GPBP1L1: variants seen among roughly 807,000 people sequenced by gnomAD.
The protein encoded by GPBP1L1 is vasculin-like protein 1.
Under a neutral mutation model 52.5 loss-of-function variants are expected in GPBP1L1, and 23 were observed. That is an observed-to-expected ratio of 0.44 (90% CI 0.32 to 0.62). The LOEUF is 0.62. Ranked by LOEUF, GPBP1L1 falls within the 20% of genes least tolerant of loss-of-function variation. GPBP1L1 has a pLI of 0.06. For synonymous variants in GPBP1L1, 243 were observed against 203.1 expected, an observed-to-expected ratio of 1.20 and a Z score of -1.67; for missense variants, 596 against 579.3, an observed-to-expected ratio of 1.03 and a Z score of -0.30.
chr1:45,636,139 C>T (rs1644591237), intron 8 of GPBP1L1, among the ~76,000 whole-genome samples: 1 of 152,170 alleles, frequency 6.6e-6, no homozygotes, highest in Non-Finnish European at 1.5e-5. Context: ...ATTACAAAGG[C>T]CAGCTCTAAA....
At chr1:45,653,957 C>T (rs534463231) in intron 6 of GPBP1L1, among the ~76,000 whole-genome samples, 2 of 151,764 alleles carry the variant, frequency 1.3e-5, no homozygotes, top group Non-Finnish European at 2.9e-5. Flanking sequence ...CCTCGGCTTC[C>T]CAAAGTGCTC....
chr1:45,654,416 C>G, intron 6 of GPBP1L1, 127 bp downstream of exon 6: 1 of 970,432 alleles, frequency 1.0e-6, no homozygotes, highest in Non-Finnish European at 1.5e-6. Context: ...TCCTCTAAAA[C>G]AATAAAAACC....
rs978038400 is a variant in GPBP1L1, at chr1:45,661,024, A to T, written c.-896T>A. 1.6e-4 allele frequency: 24 copies of T among 152,212 alleles called. No individual in the cohort carries two copies. The highest frequency in any genetic ancestry group is 5.8e-4 in the African/African-American group (24 of 41,458). The allele number at this position is 152,212 out of a possible 1,614,324, so 9.4% of individuals were successfully genotyped here. A position where few individuals can be genotyped will look rare whatever the true frequency, so the allele number is the denominator to read the frequency against. ...TAGGATGGATATTAAGAAATAGTCAAGGAGAAATATAGGTCCAAAATGAGG... is the reference window on the plus strand; with the variant it reads ...TAGGATGGATATTAAGAAATAGTCATGGAGAAATATAGGTCCAAAATGAGG... On this transcript the variant is annotated 5_prime_UTR_variant, in exon 3 of 13. In the 5' UTR this introduces an upstream ATG that the reference lacks. Coordinates refer to ENST00000355105, the MANE Select transcript of GPBP1L1 (RefSeq NM_021639.5).
rs148579148 is a variant in GPBP1L1, at chr1:45,676,435, T to C, written c.-1098+9141A>G. On this transcript the variant is annotated intron_variant, in intron 2 of 12. Transcript: ENST00000355105. Reference sequence around the variant, plus strand: ...GGGAAACAGGGCAAGACCCCATCTCTACAAAAAAACACAAAAAAATTAGCC... The same window carrying C: ...GGGAAACAGGGCAAGACCCCATCTCCACAAAAAAACACAAAAAAATTAGCC... Among the ~76,000 whole-genome samples, 275 of 151,692 alleles carry C rather than the reference T, an allele frequency of 1.8e-3. 3 individuals carry two copies. The highest frequency in any genetic ancestry group is 6.3e-3 in the African/African-American group (260 of 41,352).
chr1:45,645,363 T>G (rs1644730489), intron 6 of GPBP1L1, among the ~76,000 whole-genome samples: 1 of 152,200 alleles, frequency 6.6e-6, no homozygotes, highest in Non-Finnish European at 1.5e-5. Flanking sequence ...CCCTTGTGGA[T>G]TTTACGGAAC....
chr1:45,641,121 T>G (rs902230576), intron 7 of GPBP1L1, among the ~76,000 whole-genome samples: 7 of 151,158 alleles, frequency 4.6e-5, no homozygotes, highest in Non-Finnish European at 7.4e-5. Context: ...CATGAAACCC[T>G]CTGATGAGGC....
At chr1:45,680,630 T>C (rs1006834444) in intron 2 of GPBP1L1, among the ~76,000 whole-genome samples, 4 of 152,156 alleles carry the variant, frequency 2.6e-5, no homozygotes, top group Non-Finnish European at 4.4e-5. Flanking sequence ...CAAATATTAA[T>C]TTTTAAGTTA....
At chr1:45,628,514 G>T in intron 12 of GPBP1L1, 106 bp from the exon 13 acceptor site, 2 of 1,022,768 alleles carry the variant, frequency 2.0e-6, no homozygotes, top group Non-Finnish European at 2.8e-6. Flanking sequence ...TAGGTAGAAT[G>T]TGGGGCGGGG....
intron 8 of GPBP1L1, chr1:45,634,960 C>T (rs1425266645): frequency 6.6e-6 from 1 of 152,154 alleles, no homozygotes; most frequent in African/African-American, 2.4e-5. Context: ...CTTATTTTTC[C>T]AGAATGAAAC....
intron 4 of GPBP1L1, chr1:45,656,266 C>T (rs1248399987): frequency 6.6e-6 from 1 of 152,116 alleles, no homozygotes; most frequent in African/African-American, 2.4e-5. Flanking sequence ...ACTCTAATAT[C>T]CCTTCCTATT....
At chr1:45,630,225 A>G (rs995686928) in intron 11 of GPBP1L1, among the ~76,000 whole-genome samples, 2 of 152,208 alleles carry the variant, frequency 1.3e-5, no homozygotes, top group African/African-American at 2.4e-5. Flanking sequence ...TGCTGGGATT[A>G]CAGGCATGAG....
chr1:45,672,294 G>A (rs894486960), intron 2 of GPBP1L1, among the ~76,000 whole-genome samples: 2 of 151,438 alleles, frequency 1.3e-5, no homozygotes, highest in African/African-American at 2.4e-5. Context: ...TCCGGGAGGC[G>A]GAGGTTGCAG....
Position 45,640,338 on chromosome 1 carries a change from G to A in GPBP1L1, c.616C>T (p.Pro206Ser), listed in dbSNP as rs1292504536. 6.2e-7 allele frequency: 1 copy of A among 1,614,174 alleles called. No homozygotes were observed. Among genetic ancestry groups the A allele is most frequent in the South Asian group, 1.1e-5 (1 of 91,086 alleles). ...AATGCAGCAGAGAAGGCAGCAGCAG[G>A]ATCCTCTTTGGAAACTTTTTTGATA... is the stretch of plus-strand genomic sequence containing the variant. ...LVIKKVSKED[P>S]AAAFSAAFTS... The change falls in exon 8 of 13, where the codon CCT becomes TCT. Residue 206 changes from proline to serine, a missense_variant. By Grantham distance (74) the Pro-to-Ser change is moderately conservative. Transcript: ENST00000355105.
chr1:45,630,768 A>C, intron 10 of GPBP1L1, 162 bp from the exon 11 acceptor site: 2 of 561,692 alleles, frequency 3.6e-6, no homozygotes, highest in South Asian at 4.2e-5. Context: ...CTGCTGCATC[A>C]ACAAAACTGA....
chr1:45,647,049 TTC>T (rs1644757097), intron 6 of GPBP1L1, among the ~76,000 whole-genome samples: 1 of 152,046 alleles, frequency 6.6e-6, no homozygotes, highest in South Asian at 2.1e-4. Context: ...ATATTATTTA[TTC>T]TCTTTATTCT....
In GPBP1L1 at chr1:45,673,211, C is replaced by A. The variant is rs1241649929; in HGVS notation, c.-1097-11986G>T. Among the ~76,000 whole-genome samples, 8 of 152,106 alleles carry A rather than the reference C, an allele frequency of 5.3e-5. No homozygotes were observed. In the East Asian group the frequency reaches 1.3e-3, roughly 26 times the overall value. ...GGTGGGAAAGCAGAACACGTGGGTA[C>A]TAATGCAATGAGAGCTTGGAAGGTC... is the stretch of plus-strand genomic sequence containing the variant. On this transcript the variant is annotated intron_variant, in intron 2 of 12. Transcript: ENST00000355105.
Position 45,655,265 on chromosome 1 carries a change from T to C in GPBP1L1, c.115A>G (p.Arg39Gly). 1 of 1,614,092 alleles carries C rather than the reference T, an allele frequency of 6.2e-7. No homozygotes were observed. Among genetic ancestry groups the C allele is most frequent in the East Asian group, 2.2e-5 (1 of 44,880 alleles). ...HGEHLPRGEG[R>G]FGVSRRRHNS... ...TGTCGACGGCGGCTTACTCCAAATCTACCTTCTCCTCTGGGTAGGTGCTCT... is the reference window on the plus strand; with the variant it reads ...TGTCGACGGCGGCTTACTCCAAATCCACCTTCTCCTCTGGGTAGGTGCTCT... The change falls in exon 5 of 13, where the codon AGA (arginine) becomes GGA (glycine). Residue 39 changes from arginine (R) to glycine (G), a missense_variant. Physicochemically the swap from Arg to Gly is moderately radical, Grantham distance 125 (BLOSUM62 -2). Coordinates refer to ENST00000355105, the MANE Select transcript of GPBP1L1 (RefSeq NM_021639.5).
intron 2 of GPBP1L1, among the ~76,000 whole-genome samples, chr1:45,678,564 C>A (rs1340559762): frequency 6.6e-6 from 1 of 152,008 alleles, no homozygotes; most frequent in Admixed American, 6.6e-5. Context: ...CAGCTATAAA[C>A]TTTAGAGAAA....
intron 10 of GPBP1L1, among the ~76,000 whole-genome samples, chr1:45,633,253 A>T (rs1170985032): frequency 6.6e-6 from 1 of 152,252 alleles, no homozygotes; most frequent in Non-Finnish European, 1.5e-5. Flanking sequence ...ACTTGGAAGC[A>T]ACCAAGATGT....
Sources: allele counts gnomAD v4.1 joint callset (sites outside exome capture counted in the v4.1 genomes callset), GRCh38; gene constraint gnomAD v4.1.1; transcripts MANE v1.5; gene names NCBI Gene and HGNC (gene_info 2026-07-23, HGNC 2026-07-21).